The following MAP7 variants were observed in gnomAD, a reference collection of about 807,000 sequenced individuals.
The protein encoded by MAP7 is microtubule associated protein 7, also known as ensconsin.
Under a neutral mutation model 94.8 loss-of-function variants are expected in MAP7, and 52 were observed. The observed-to-expected ratio is 0.55, with a 90% CI of 0.44 to 0.69. MAP7 has a LOEUF of 0.69. Among genes scored for constraint, MAP7 ranks in the 30% least tolerant of loss-of-function variants. MAP7 has a pLI of 0.00. For missense variants in MAP7, 940 were observed against 964.6 expected, an observed-to-expected ratio of 0.97 and a Z score of 0.34; for synonymous variants, 350 against 357.0, an observed-to-expected ratio of 0.98 and a Z score of 0.22.
At chr6:136,387,747 TA>T (rs896558399) in intron 5 of MAP7, among the ~76,000 whole-genome samples, 24 of 146,836 alleles carry the variant, frequency 1.6e-4, no homozygotes, top group African/African-American at 2.7e-4. Flanking sequence ...AAAGCAAATT[TA>T]AAAAAAAAAG....
rs577091411 is a variant in MAP7, at chr6:136,344,077, G to T, written c.*151C>A. 8.1e-5 allele frequency: 31 copies of T among 384,850 alleles called. No homozygotes were observed. Among genetic ancestry groups the T allele is most frequent in the Non-Finnish European group, 1.5e-4 (31 of 209,940 alleles). 23.8% of individuals were successfully genotyped at this position (384,850 alleles called of 1,614,324 possible). A position where few individuals can be genotyped will look rare whatever the true frequency, so the allele number is the denominator to read the frequency against. ...TATTAGAAAAGCTATCCAGTCTGTT[G>T]TCTTTAGCTAGTTTTAATAAATCTT... is the stretch of plus-strand genomic sequence containing the variant. On this transcript the variant is annotated 3_prime_UTR_variant, in exon 18 of 18. Transcript: ENST00000354570.
chr6:136,422,759 G>A (rs1054904213), intron 1 of MAP7, among the ~76,000 whole-genome samples: 3 of 152,112 alleles, frequency 2.0e-5, no homozygotes, highest in Non-Finnish European at 4.4e-5. Flanking sequence ...AGGCTGTTTG[G>A]TCTAAGATTA....
chr6:136,425,269 T>A (rs1260697198), intron 1 of MAP7, among the ~76,000 whole-genome samples: 1 of 152,194 alleles, frequency 6.6e-6, no homozygotes, highest in Non-Finnish European at 1.5e-5. Flanking sequence ...AACTGAAACC[T>A]CAAAAAGCGA....
chr6:136,520,204 A>G (rs868364701), intron 1 of MAP7, among the ~76,000 whole-genome samples: 17 of 150,496 alleles, frequency 1.1e-4, no homozygotes, highest in Admixed American at 2.0e-4. Context: ...TGCCTCAAAA[A>G]AAAAAAAAAA....
chr6:136,484,634 A>G (rs1461433534), intron 1 of MAP7, among the ~76,000 whole-genome samples: 1 of 152,184 alleles, frequency 6.6e-6, no homozygotes, highest in African/African-American at 2.4e-5. Context: ...TTGTTCAGTG[A>G]TTCTTAAACC....
intron 1 of MAP7, among the ~76,000 whole-genome samples, chr6:136,458,019 T>C (rs1803914158): frequency 6.6e-6 from 1 of 152,130 alleles, no homozygotes; most frequent in Non-Finnish European, 1.5e-5. Flanking sequence ...CATGATCTTA[T>C]TTGTAAAAAA....
intron 1 of MAP7, among the ~76,000 whole-genome samples, chr6:136,536,178 T>A (rs185111359): frequency 6.8e-4 from 104 of 152,304 alleles, no homozygotes; most frequent in African/African-American, 2.0e-3. Context: ...ATAATTTTTT[T>A]AAAAAATATG....
intron 1 of MAP7, among the ~76,000 whole-genome samples, chr6:136,456,684 GAAGA>G: frequency 7.0e-6 from 1 of 143,486 alleles, no homozygotes; most frequent in African/African-American, 2.6e-5. Context: ...AAAGAAGAAA[GAAGA>G]AAGAAGAAAG....
At chr6:136,349,861 C>G (rs1283035863) in intron 16 of MAP7, among the ~76,000 whole-genome samples, 2 of 152,086 alleles carry the variant, frequency 1.3e-5, no homozygotes, top group Non-Finnish European at 2.9e-5. Flanking sequence ...CAGGATACTT[C>G]TGGTACAGAG....
chr6:136,377,947 T>C, intron 6 of MAP7, 79 bp from the exon 7 acceptor site: 1 of 1,016,458 alleles, frequency 9.8e-7, no homozygotes, highest in South Asian at 1.4e-5. Context: ...TACCTATTGC[T>C]TCCATACGCT....
At position 136,342,898 on chromosome 6, in the gene MAP7, A is replaced by G. The variant is rs912245684; in HGVS notation, c.*1330T>C. ...TTAATGTTTTCACAAATTACAAGCC[A>G]TTACTAAAGACCATATGCCTGGATT... is the stretch of plus-strand genomic sequence containing the variant. On this transcript the variant is annotated 3_prime_UTR_variant, in exon 18 of 18. Coordinates refer to ENST00000354570, the MANE Select transcript of MAP7 (RefSeq NM_003980.6). 6.6e-6 allele frequency: 1 copy of G among 151,830 alleles called. No individual in the cohort carries two copies. Among genetic ancestry groups the G allele is most frequent in the Non-Finnish European group, 1.5e-5 (1 of 68,038 alleles). 9.4% of individuals were successfully genotyped at this position (151,830 alleles called of 1,614,324 possible).
chr6:136,411,795 G>T, intron 2 of MAP7, 98 bp from the exon 3 acceptor site: 1 of 948,568 alleles, frequency 1.1e-6, no homozygotes, highest in Non-Finnish European at 1.6e-6. Flanking sequence ...TAAATCTGAA[G>T]AATAATATAT....
intron 10 of MAP7, 25 bp from the exon 11 acceptor site, chr6:136,362,727 A>G (rs761961311): frequency 6.5e-7 from 1 of 1,527,178 alleles, no homozygotes; most frequent in Non-Finnish European, 8.7e-7. Context: ...ACAAGGAGAA[A>G]ACCAGTTGGA....
chr6:136,348,609 G>A (rs1204351628), intron 16 of MAP7, among the ~76,000 whole-genome samples: 1 of 152,164 alleles, frequency 6.6e-6, no homozygotes, highest in Non-Finnish European at 1.5e-5. Context: ...CAGGGGTTGG[G>A]ACCTTGGCAA....
At chr6:136,482,979 A>G (rs572363639) in intron 1 of MAP7, among the ~76,000 whole-genome samples, 1 of 152,234 alleles carries the variant, frequency 6.6e-6, no homozygotes, top group South Asian at 2.1e-4. Flanking sequence ...TTCATTCTGT[A>G]CAAGTTTTCC....
intron 1 of MAP7, among the ~76,000 whole-genome samples, chr6:136,492,758 G>C (rs751246739): frequency 5.9e-5 from 9 of 151,924 alleles, no homozygotes; most frequent in Non-Finnish European, 8.8e-5. Context: ...AAAACCAAGA[G>C]ATAAAGAAAT....
intron 1 of MAP7, chr6:136,526,089 A>T: frequency 1.4e-6 from 2 of 1,422,608 alleles, no homozygotes; most frequent in African/African-American, 1.5e-5. Flanking sequence ...CTTGTAATAG[A>T]TCCCCTATGG....
chr6:136,511,616 G>A (rs1377448833), intron 1 of MAP7, among the ~76,000 whole-genome samples: 1 of 152,188 alleles, frequency 6.6e-6, no homozygotes, highest in African/African-American at 2.4e-5. Flanking sequence ...GGTACACAGT[G>A]GACTTTGTTA....
At chr6:136,456,695 AAAGAAGAAGAAAGAAGAGG>A (rs1802989020) in intron 1 of MAP7, among the ~76,000 whole-genome samples, 2 of 139,070 alleles carry the variant, frequency 1.4e-5, no homozygotes, top group East Asian at 2.7e-4. Flanking sequence ...AAGAAAGAAG[AAAGAAGAAGAAAGAAGAGG>A]AGAAGAAAGA....
Sources: allele counts gnomAD v4.1 joint callset (sites outside exome capture counted in the v4.1 genomes callset), GRCh38; gene constraint gnomAD v4.1.1; transcripts MANE v1.5; gene names NCBI Gene and HGNC (gene_info 2026-07-23, HGNC 2026-07-21).